TXLNB: variants seen among roughly 807,000 people sequenced by gnomAD.
TXLNB encodes beta-taxilin.
In TXLNB, 37 loss-of-function variants were observed where a neutral mutation model predicts 57.4. The ratio of observed to expected loss-of-function variants is 0.64; its 90% CI spans 0.50 to 0.85. TXLNB has a LOEUF of 0.85. TXLNB is among the 40% of genes least tolerant of loss of function. The pLI, the probability that TXLNB is intolerant of heterozygous loss-of-function variation, is 0.00. For missense variants in TXLNB, 848 were observed against 825.6 expected (o/e 1.03, Z -0.33); for synonymous variants, 302 against 309.6 (o/e 0.98, Z 0.26).
At chr6:139,176,846 C>A in the TXLNB span, 1 of 740,152 alleles carries the variant, frequency 1.4e-6, no homozygotes. The surrounding 1 kb of genome is among the most constrained non-coding windows in gnomAD (Gnocchi z 4.5). Flanking sequence ...CTTTGCAAAG[C>A]CCTTGATCAG....
intron 3 of TXLNB, among the ~76,000 whole-genome samples, chr6:139,275,372 A>C (rs762232138): frequency 1.1e-4 from 16 of 152,232 alleles, no homozygotes; most frequent in Non-Finnish European, 2.2e-4. Context: ...ACCAGATATC[A>C]ACTTATATGT....
intron 6 of TXLNB, among the ~76,000 whole-genome samples, chr6:139,259,624 A>G (rs374809842): frequency 6.8e-4 from 103 of 152,124 alleles, no homozygotes; most frequent in African/African-American, 2.4e-3. Flanking sequence ...CTTCCTTAGT[A>G]GTGGTGATTA....
the TXLNB span, among the ~76,000 whole-genome samples, chr6:139,170,965 G>C: frequency 6.6e-6 from 1 of 152,082 alleles, no homozygotes; most frequent in Admixed American, 6.5e-5. Context: ...TGTGAATTTA[G>C]AAACAAAATT....
At chr6:139,193,126 T>A in the TXLNB span, among the ~76,000 whole-genome samples, 1 of 152,128 alleles carries the variant, frequency 6.6e-6, no homozygotes, top group Non-Finnish European at 1.5e-5. Flanking sequence ...ACTCCATGTG[T>A]TGCAGGTTTT....
At chr6:139,248,525 G>A (rs571341281) in intron 7 of TXLNB, among the ~76,000 whole-genome samples, 2 of 151,774 alleles carry the variant, frequency 1.3e-5, no homozygotes, top group Admixed American at 6.6e-5. Flanking sequence ...AATGAAAAAA[G>A]AAAATATGTT....
the TXLNB span, chr6:139,167,164 T>C: frequency 6.2e-7 from 1 of 1,614,022 alleles, no homozygotes; most frequent in Non-Finnish European, 8.5e-7. Flanking sequence ...GGAAGTTCAT[T>C]CTGGCCGCGC....
the TXLNB span, among the ~76,000 whole-genome samples, chr6:139,297,143 C>T: frequency 1.3e-5 from 2 of 152,170 alleles, no homozygotes; most frequent in African/African-American, 4.8e-5. Context: ...TTCTAGTCCT[C>T]ATCCGTTGTG....
chr6:139,297,342 C>G, the TXLNB span, among the ~76,000 whole-genome samples: 3 of 152,140 alleles, frequency 2.0e-5, no homozygotes. Context: ...AATGACCTAT[C>G]CCTCCAAATA....
chr6:139,237,835 TC>T (rs1349375425), downstream of TXLNB, among the ~76,000 whole-genome samples: 2 of 152,138 alleles, frequency 1.3e-5, no homozygotes, highest in East Asian at 3.9e-4. Flanking sequence ...TGAATAGAAA[TC>T]CTGGGCTCTA....
chr6:139,171,982 A>G, the TXLNB span, among the ~76,000 whole-genome samples: 1 of 151,828 alleles, frequency 6.6e-6, no homozygotes, highest in Non-Finnish European at 1.5e-5. Context: ...AGGCGCCGCC[A>G]CCACGCCTAG....
chr6:139,254,888 G>A (rs1017104913), intron 7 of TXLNB, among the ~76,000 whole-genome samples: 3 of 151,574 alleles, frequency 2.0e-5, no homozygotes, highest in Admixed American at 1.3e-4. Flanking sequence ...ATGTGATCTC[G>A]GCTCACTGCA....
the TXLNB span, among the ~76,000 whole-genome samples, chr6:139,184,169 G>A: frequency 6.6e-6 from 1 of 152,346 alleles, no homozygotes; most frequent in South Asian, 2.1e-4. Context: ...AAGGAGAAGT[G>A]TCTGGACATT....
chr6:139,315,150 G>C, the TXLNB span, among the ~76,000 whole-genome samples: 1 of 152,030 alleles, frequency 6.6e-6, no homozygotes, highest in Non-Finnish European at 1.5e-5. Context: ...ATCCCACCCA[G>C]GAACAGAAGA....
At chr6:139,172,682 C>G in the TXLNB span, among the ~76,000 whole-genome samples, 6 of 152,086 alleles carry the variant, frequency 3.9e-5, no homozygotes, top group African/African-American at 1.2e-4. Flanking sequence ...CAGTCCAGAC[C>G]AGGTGTTCCA....
chr6:139,256,928 T>C (rs1395698715), intron 6 of TXLNB, among the ~76,000 whole-genome samples: 2 of 152,246 alleles, frequency 1.3e-5, no homozygotes, highest in African/African-American at 4.8e-5. Context: ...GGTTAGAAGT[T>C]TGACCTATTG....
At chr6:139,227,651 C>T in the TXLNB span, among the ~76,000 whole-genome samples, 4 of 152,042 alleles carry the variant, frequency 2.6e-5, no homozygotes, top group Non-Finnish European at 5.9e-5. Flanking sequence ...CAGTCAACAT[C>T]GGAATAGATA....
At chr6:139,281,536 G>GATCT in intron 2 of TXLNB, among the ~76,000 whole-genome samples, 1 of 90,962 alleles carries the variant, frequency 1.1e-5, no homozygotes, top group East Asian at 3.1e-4. Flanking sequence ...TGGATCTGGA[G>GATCT]TTCTTTTTTT....
the TXLNB span, among the ~76,000 whole-genome samples, chr6:139,219,977 G>C: frequency 6.6e-6 from 1 of 152,192 alleles, no homozygotes; most frequent in African/African-American, 2.4e-5. Flanking sequence ...CCTGACAGCT[G>C]AATCTCAACT....
chr6:139,317,269 G>A, the TXLNB span, among the ~76,000 whole-genome samples: 1 of 152,064 alleles, frequency 6.6e-6, no homozygotes, highest in African/African-American at 2.4e-5. Flanking sequence ...CAGTGATCTT[G>A]TAACTCATCA....
Sources: allele counts gnomAD v4.1 joint callset (sites outside exome capture counted in the v4.1 genomes callset), GRCh38; gene constraint gnomAD v4.1.1; non-coding constraint Gnocchi (gnomAD v3.1); transcripts MANE v1.5; gene names NCBI Gene and HGNC (gene_info 2026-07-23, HGNC 2026-07-21).